The following PLB1 variants were observed in gnomAD, a reference collection of about 807,000 sequenced individuals.
PLB1 encodes the protein phospholipase B1, membrane-associated.
In PLB1, 242 loss-of-function variants were observed where a neutral mutation model predicts 227.4. That is an observed-to-expected ratio of 1.06 (90% CI 0.96 to 1.18). The LOEUF (loss-of-function observed/expected upper bound fraction) is 1.18, where lower values mean the gene tolerates loss of function less well. Ranked by LOEUF, PLB1 falls within the 50% of genes most tolerant of loss-of-function variation. The pLI, the probability that PLB1 is intolerant of heterozygous loss-of-function variation, is 0.00. For missense variants in PLB1, 1,858 were observed against 1,816.3 expected, an observed-to-expected ratio of 1.02 and a Z score of -0.42; for synonymous variants, 757 against 682.2, an observed-to-expected ratio of 1.11 and a Z score of -1.71.
At chr2:28,548,075 C>T (rs998563457) in intron 14 of PLB1, among the ~76,000 whole-genome samples, 1 of 152,074 alleles carries the variant, frequency 6.6e-6, no homozygotes, top group Non-Finnish European at 1.5e-5. Flanking sequence ...ACTAGATACT[C>T]TAGCGGTTTG....
In PLB1 at chr2:28,630,505, C is replaced by CTG. The variant is rs1049995878; in HGVS notation, c.3819-75_3819-74dup. On this transcript the variant is annotated intron_variant, in intron 53 of 57. Transcript: ENST00000327757. ...CAGGCCCCTGGGGTAGTGGCCTGCT[C>CTG]TGTGTGTCAGAGCCAGCCTCCCAGG... 4.5e-5 allele frequency: 58 copies of CTG among 1,276,336 alleles called. No individual in the cohort carries two copies. The African/African-American group carries it at 7.9e-4, about 17-fold the overall frequency. 79.1% of individuals were successfully genotyped at this position (1,276,336 alleles called of 1,614,324 possible).
At chr2:28,592,779 C>G (rs753808666) in intron 32 of PLB1, 60 bp downstream of exon 32, 3 of 1,523,318 alleles carry the variant, frequency 2.0e-6, no homozygotes, top group African/African-American at 1.4e-5. Context: ...AGATCCCAGT[C>G]CTCTTAACTT....
chr2:28,621,046 G>C (rs2148327576), intron 49 of PLB1, 68 bp downstream of exon 49: 4 of 1,369,354 alleles, frequency 2.9e-6, no homozygotes, highest in Non-Finnish European at 3.1e-6. Flanking sequence ...GAAACCGGAG[G>C]AGAGGAGGGT....
At chr2:28,522,819 G>C (rs115964165) in intron 4 of PLB1, among the ~76,000 whole-genome samples, 2,106 of 152,280 alleles carry the variant, frequency 0.014, 31 homozygotes, top group Middle Eastern at 0.031. Context: ...ATAAAAACCT[G>C]AAAGCACAAT....
intron 15 of PLB1, 83 bp downstream of exon 15, chr2:28,549,014 G>T: frequency 8.2e-7 from 1 of 1,225,334 alleles, no homozygotes; most frequent in Admixed American, 1.8e-5. Flanking sequence ...CTGTGAAGTG[G>T]GTCTTACCTG....
chr2:28,635,491 C>T (rs530211003), intron 56 of PLB1, among the ~76,000 whole-genome samples: 2 of 150,268 alleles, frequency 1.3e-5, no homozygotes, highest in African/African-American at 2.4e-5. Context: ...GTGACCTGGG[C>T]ATGCCACCAC....
chr2:28,578,699 G>A (rs894468042), intron 22 of PLB1, among the ~76,000 whole-genome samples: 1 of 152,022 alleles, frequency 6.6e-6, no homozygotes, highest in African/African-American at 2.4e-5. Context: ...ATGAAAGCAC[G>A]GTCTCAATTC....
At chr2:28,604,465 A>C (rs528998365) in intron 40 of PLB1, among the ~76,000 whole-genome samples, 190 bp from the exon 41 acceptor site, 7 of 152,182 alleles carry the variant, frequency 4.6e-5, no homozygotes, top group Non-Finnish European at 8.8e-5. Flanking sequence ...ATCAAAACAA[A>C]AAGGTGACCC....
At position 28,642,950 on chromosome 2, in the gene PLB1, G is replaced by A. The variant is rs373146612; in HGVS notation, c.4266G>A (p.Val1422=). The change falls in exon 58 of 58, where the codon GTG becomes GTA. Residue 1422 remains valine (V), a synonymous_variant. Transcript: ENST00000327757. ...APEVLYWAVP[V]AAGVGLVVGI... is the part of the protein sequence containing the mutation. ...AGGTGCTCTACTGGGCTGTCCCAGT[G>A]GCAGCGGGAGTCGGCCTTGTGGTGG... The A allele has an allele frequency of 1.7e-5, 28 of 1,609,222 alleles. No individual in the cohort carries two copies. Among genetic ancestry groups the A allele is most frequent in the African/African-American group, 1.5e-4 (11 of 75,016 alleles).
At position 28,529,300 on chromosome 2, in the gene PLB1, A is replaced by G; in HGVS notation, c.326-17A>G. The G allele has an allele frequency of 6.3e-7, 1 of 1,582,984 alleles. No homozygotes were observed. The highest frequency in any genetic ancestry group is 8.7e-7 in the Non-Finnish European group (1 of 1,151,888). On this transcript the variant is annotated splice_polypyrimidine_tract_variant and intron_variant, in intron 6 of 57. Transcript: ENST00000327757. Reference sequence around the variant, plus strand: ...CAGCTGGTGAAGGCCAGGGCCTCAAACCAGTTCTCTCTTTAGTCCTTTCAG... The same window carrying G: ...CAGCTGGTGAAGGCCAGGGCCTCAAGCCAGTTCTCTCTTTAGTCCTTTCAG...
Position 28,541,816 on chromosome 2 carries a change from GTGGGGGCTGCA to G in PLB1, c.879+9_879+19del. 1 of 1,604,148 alleles carries G rather than the reference GTGGGGGCTGCA, an allele frequency of 6.2e-7. No homozygotes were observed. The highest frequency in any genetic ancestry group is 8.5e-7 in the Non-Finnish European group (1 of 1,171,156). ...ACCACCCCATCTCTACACTCGGTAA[GTGGGGGCTGCA>G]TGGCGTATCAAGAGTGTGGTGGGGG... On this transcript the variant is annotated splice_donor_region_variant and intron_variant, in intron 13 of 57. Transcript: ENST00000327757.
rs188207900 is a variant in PLB1 at position 28,631,137 on chromosome 2, C to T, written c.3897+473C>T. On this transcript the variant is annotated intron_variant, in intron 54 of 57. Coordinates refer to ENST00000327757, the MANE Select transcript of PLB1 (RefSeq NM_153021.5). Reference sequence around the variant, plus strand: ...CCATTGTACTCTGCCTAGACAACAGCGTGAGACCCTATCTCAAAAAAAAAA... The same window carrying T: ...CCATTGTACTCTGCCTAGACAACAGTGTGAGACCCTATCTCAAAAAAAAAA... Among the ~76,000 whole-genome samples the T allele has an allele frequency of 1.4e-4, 21 of 147,158 alleles. No individual in the cohort carries two copies. The East Asian group carries it at 3.4e-3, about 24-fold the overall frequency.
chr2:28,559,019 G>T (rs772455424), intron 17 of PLB1, among the ~76,000 whole-genome samples: 2 of 152,048 alleles, frequency 1.3e-5, no homozygotes, highest in Non-Finnish European at 2.9e-5. Context: ...GCCATCACAC[G>T]CAGCCAAATA....
At chr2:28,529,846 GTGA>G (rs1484600961) in intron 8 of PLB1, 67 bp downstream of exon 8, 26 of 1,492,256 alleles carry the variant, frequency 1.7e-5, no homozygotes, top group Non-Finnish European at 2.1e-5. Context: ...GCAGACCGAA[GTGA>G]TGATGACCCT....
At position 28,541,800 on chromosome 2, in the gene PLB1, T is replaced by C; in HGVS notation, c.868T>C (p.Ser290Pro). 1 of 1,606,792 alleles carries C rather than the reference T, an allele frequency of 6.2e-7. No homozygotes were observed. The highest frequency in any genetic ancestry group is 1.1e-5 in the South Asian group (1 of 90,808). The stretch of plus-strand genomic sequence containing the variant: ...GCCTTTCTTCTATGAGACCACCCCA[T>C]CTCTACACTCGGTAAGTGGGGGCTG... Reference protein sequence around the residue: ...FQPFFYETTPSLHSEDPRLQD... With the variant: ...FQPFFYETTPPLHSEDPRLQD... Residue 290 changes from serine to proline, a missense_variant, in exon 13 of 58, where the codon TCT (serine) becomes CCT (proline). By Grantham distance (74) the Ser-to-Pro change is moderately conservative. Transcript: ENST00000327757.
intron 56 of PLB1, among the ~76,000 whole-genome samples, chr2:28,635,296 G>C (rs1449817048): frequency 6.6e-6 from 1 of 152,166 alleles, no homozygotes; most frequent in East Asian, 1.9e-4. Flanking sequence ...CTTCTGGCTG[G>C]AATTTCACCC....
At chr2:28,582,238 G>T (rs1680152870) in intron 24 of PLB1, 105 bp downstream of exon 24, 5 of 1,368,208 alleles carry the variant, frequency 3.7e-6, no homozygotes, top group Admixed American at 1.8e-5. Flanking sequence ...CTTTGTTGTG[G>T]ATCCCAGCCC....
rs73922134 is a variant in PLB1 at position 28,519,637 on chromosome 2, C to T, written c.185-68C>T. ...GGGAATGTGAGTCTCCTCTCCCATACGGTATCCTTGGCCGACATCATGGGG... is the reference window on the plus strand; with the variant it reads ...GGGAATGTGAGTCTCCTCTCCCATATGGTATCCTTGGCCGACATCATGGGG... On this transcript the variant is annotated intron_variant, in intron 3 of 57. Transcript: ENST00000327757. The T allele has an allele frequency of 7.8e-3, 9,381 of 1,207,406 alleles. 469 individuals are homozygous for T. In the African/African-American group the frequency reaches 0.11, roughly 15 times the overall value. The allele number at this position is 1,207,406 out of a possible 1,614,324, so 74.8% of individuals were successfully genotyped here. A position where few individuals can be genotyped will look rare whatever the true frequency, so the allele number is the denominator to read the frequency against.
chr2:28,635,792 C>G (rs544411375), intron 56 of PLB1, among the ~76,000 whole-genome samples: 6 of 152,322 alleles, frequency 3.9e-5, no homozygotes, highest in African/African-American at 1.4e-4. Flanking sequence ...GTTTCTCTTT[C>G]CCGAGGCCTA....
Sources: allele counts gnomAD v4.1 joint callset (sites outside exome capture counted in the v4.1 genomes callset), GRCh38; gene constraint gnomAD v4.1.1; transcripts MANE v1.5; gene names NCBI Gene and HGNC (gene_info 2026-07-23, HGNC 2026-07-21).